SLC30A7: variants seen among roughly 807,000 people sequenced by gnomAD.
SLC30A7 encodes the protein zinc transporter 7.
In SLC30A7, 35 loss-of-function variants were observed where a neutral mutation model predicts 46.0. The observed-to-expected ratio is 0.76, with a 90% CI of 0.58 to 1.01. The LOEUF is 1.01. Ranked by LOEUF, SLC30A7 falls within the 50% of genes least tolerant of loss-of-function variation. SLC30A7 has a pLI of 0.00. For synonymous variants in SLC30A7, 147 were observed against 157.8 expected, an observed-to-expected ratio of 0.93 and a Z score of 0.51; for missense variants, 464 against 451.1, an observed-to-expected ratio of 1.03 and a Z score of -0.26.
intron 2 of SLC30A7, 22 bp from the exon 3 acceptor site, chr1:100,906,830 C>T: frequency 1.3e-6 from 2 of 1,499,532 alleles, no homozygotes; most frequent in Non-Finnish European, 9.3e-7. Flanking sequence ...TATAATTTGT[C>T]AATGTGTTTG....
rs553981114 is a variant in SLC30A7 at position 100,981,210 on chromosome 1, A to G, written c.*6353A>G. On this transcript the variant is annotated 3_prime_UTR_variant, in exon 11 of 11. Coordinates refer to ENST00000357650, the MANE Select transcript of SLC30A7 (RefSeq NM_133496.5). ...TACAGTTAGCCTCAATGAAGATTCT[A>G]TTTTGAACTAGACATCCTGTCAATA... is the stretch of plus-strand genomic sequence containing the variant. The G allele has an allele frequency of 6.6e-6, 1 of 152,198 alleles. No individual in the cohort carries two copies. Among genetic ancestry groups the G allele is most frequent in the African/African-American group, 2.4e-5 (1 of 41,562 alleles). 9.4% of individuals were successfully genotyped at this position (152,198 alleles called of 1,614,324 possible).
the SLC30A7 span, among the ~76,000 whole-genome samples, chr1:100,991,563 G>A: frequency 1.3e-5 from 2 of 152,158 alleles, no homozygotes; most frequent in African/African-American, 4.8e-5. Context: ...TGAGGCAGGC[G>A]GATCGCTTGA....
intron 8 of SLC30A7, chr1:100,941,622 T>C (rs749612476): frequency 5.1e-6 from 3 of 593,790 alleles, no homozygotes; most frequent in Non-Finnish European, 9.6e-6. Flanking sequence ...GTATACTCTT[T>C]AATGCCAGCA....
intron 10 of SLC30A7, among the ~76,000 whole-genome samples, chr1:100,970,112 TACAG>T (rs1263266352): frequency 1.3e-4 from 20 of 152,290 alleles, no homozygotes; most frequent in African/African-American, 4.6e-4. Context: ...GTGTATTTCT[TACAG>T]ACAGATTCAA....
Position 100,958,384 on chromosome 1 carries a change from G to C in SLC30A7, c.843-3444G>C, listed in dbSNP as rs972351104. ...GTGGAGACGGGATTTCACCGTGTTA[G>C]CCAGGATGGTCTCGATCCCCTGACC... On this transcript the variant is annotated intron_variant, in intron 8 of 10. Coordinates refer to ENST00000357650, the MANE Select transcript of SLC30A7 (RefSeq NM_133496.5). Among the ~76,000 whole-genome samples, 5 of 152,138 alleles carry C rather than the reference G, an allele frequency of 3.3e-5. No individual in the cohort carries two copies. In the South Asian group the frequency reaches 1.0e-3, roughly 32 times the overall value.
At chr1:100,988,875 A>T in the SLC30A7 span, among the ~76,000 whole-genome samples, 13 of 152,020 alleles carry the variant, frequency 8.6e-5, no homozygotes, top group East Asian at 3.9e-4. Context: ...AATAAATAAA[A>T]AATAATAAAG....
intron 8 of SLC30A7, 83 bp from the exon 9 acceptor site, chr1:100,961,745 G>A (rs1052278239): frequency 2.1e-5 from 15 of 700,240 alleles, no homozygotes; most frequent in African/African-American, 3.7e-5. Context: ...ATATTCTACC[G>A]TAGGGAGGCA....
downstream of SLC30A7, among the ~76,000 whole-genome samples, chr1:100,984,114 A>G (rs1410596741): frequency 3.3e-5 from 5 of 152,196 alleles, no homozygotes; most frequent in Admixed American, 3.3e-4. Context: ...TGGCCAGGCA[A>G]TCCTATGGTG....
intron 8 of SLC30A7, among the ~76,000 whole-genome samples, chr1:100,923,305 C>T (rs913626695): frequency 9.4e-6 from 1 of 105,874 alleles, no homozygotes; most frequent in Non-Finnish European, 2.1e-5. Context: ...CGTGAGCCAC[C>T]GCGCCCAGCC....
At chr1:100,952,671 A>G (rs1231504569) in intron 8 of SLC30A7, among the ~76,000 whole-genome samples, 1 of 152,206 alleles carries the variant, frequency 6.6e-6, no homozygotes, top group East Asian at 1.9e-4. Flanking sequence ...GTTCTTGGCT[A>G]CCTGATGGGC....
chr1:100,901,558 A>C (rs1454305686), intron 2 of SLC30A7, among the ~76,000 whole-genome samples: 1 of 152,050 alleles, frequency 6.6e-6, no homozygotes, highest in Non-Finnish European at 1.5e-5. Flanking sequence ...GAGTTCAAGC[A>C]ATCCTCCTGC....
At chr1:100,936,288 G>A (rs914642961) in intron 8 of SLC30A7, among the ~76,000 whole-genome samples, 1 of 152,090 alleles carries the variant, frequency 6.6e-6, no homozygotes, top group Admixed American at 6.5e-5. Context: ...GAGTACCTAT[G>A]GAAGTGGAGG....
At position 100,975,093 on chromosome 1, in the gene SLC30A7, T is replaced by C; in HGVS notation, c.*236T>C. On this transcript the variant is annotated 3_prime_UTR_variant, in exon 11 of 11. Coordinates refer to ENST00000357650, the MANE Select transcript of SLC30A7 (RefSeq NM_133496.5). The stretch of plus-strand genomic sequence containing the variant: ...TTTCTTTTGTGCTCTTTCCTCCAAA[T>C]CTTTTTGACTTCTGAGGTTTTTAGC... 2.7e-6 allele frequency: 1 copy of C among 373,610 alleles called. No homozygotes were observed. Among genetic ancestry groups the C allele is most frequent in the Non-Finnish European group, 4.8e-6 (1 of 210,210 alleles). The allele number at this position is 373,610 out of a possible 1,614,324, so 23.1% of individuals were successfully genotyped here.
intron 6 of SLC30A7, among the ~76,000 whole-genome samples, chr1:100,917,573 A>G (rs1475541049): frequency 1.3e-5 from 2 of 152,242 alleles, no homozygotes; most frequent in East Asian, 1.9e-4. Flanking sequence ...GATAGAAATT[A>G]TAGCATTTTG....
At chr1:100,903,556 A>G (rs1163640599) in intron 2 of SLC30A7, among the ~76,000 whole-genome samples, 3 of 152,116 alleles carry the variant, frequency 2.0e-5, no homozygotes, top group African/African-American at 7.2e-5. Context: ...TTTATTCACC[A>G]ATTCTCATTC....
chr1:100,948,827 T>A (rs1022646155), intron 8 of SLC30A7, among the ~76,000 whole-genome samples: 23 of 152,238 alleles, frequency 1.5e-4, no homozygotes, highest in African/African-American at 5.5e-4. Flanking sequence ...CTTGATCAAA[T>A]TGGCTATTGA....
At chr1:100,928,901 A>G (rs1394355944) in intron 8 of SLC30A7, among the ~76,000 whole-genome samples, 1 of 152,174 alleles carries the variant, frequency 6.6e-6, no homozygotes, top group Non-Finnish European at 1.5e-5. Flanking sequence ...TTCAGATGAA[A>G]GGTAATAGTA....
At chr1:100,960,007 T>C (rs1460553727) in intron 8 of SLC30A7, among the ~76,000 whole-genome samples, 1 of 152,176 alleles carries the variant, frequency 6.6e-6, no homozygotes, top group Non-Finnish European at 1.5e-5. Flanking sequence ...TCACGAGAAC[T>C]TGGTGATTTA....
chr1:100,917,815 T>A (rs191782922), intron 6 of SLC30A7, among the ~76,000 whole-genome samples: 186 of 152,330 alleles, frequency 1.2e-3, no homozygotes, highest in South Asian at 7.0e-3. Flanking sequence ...ATTTTCACAA[T>A]GTCTTTAATT....
Sources: allele counts gnomAD v4.1 joint callset (sites outside exome capture counted in the v4.1 genomes callset), GRCh38; gene constraint gnomAD v4.1.1; transcripts MANE v1.5; gene names NCBI Gene and HGNC (gene_info 2026-07-23, HGNC 2026-07-21).